The following PCMTD1 variants were observed in gnomAD, a reference collection of about 807,000 sequenced individuals.
The protein encoded by PCMTD1 is protein-L-isoaspartate O-methyltransferase domain-containing protein 1.
PCMTD1 carries 12 observed loss-of-function variants against 37.6 expected under a neutral mutation model. The observed-to-expected ratio is 0.32, with a 90% CI of 0.20 to 0.52. The LOEUF (loss-of-function observed/expected upper bound fraction) is 0.52, where lower values mean the gene tolerates loss of function less well. PCMTD1 is among the 20% of genes least tolerant of loss of function. The pLI, the probability that PCMTD1 is intolerant of heterozygous loss-of-function variation, is 0.97. For missense variants in PCMTD1, 235 were observed against 421.3 expected, an observed-to-expected ratio of 0.56 and a Z score of 3.87; for synonymous variants, 117 against 135.8, an observed-to-expected ratio of 0.86 and a Z score of 0.96.
Position 51,818,790 on chromosome 8 carries a change from T to G in PCMTD1, c.*1561A>C, listed in dbSNP as rs2037801352. The G allele has an allele frequency of 6.6e-6, 1 of 152,328 alleles. No individual in the cohort carries two copies. Among genetic ancestry groups the G allele is most frequent in the Non-Finnish European group, 1.5e-5 (1 of 68,066 alleles). 9.4% of individuals were successfully genotyped at this position (152,328 alleles called of 1,614,324 possible). On this transcript the variant is annotated 3_prime_UTR_variant, in exon 6 of 6. Coordinates refer to ENST00000522514, the MANE Select transcript of PCMTD1 (RefSeq NM_052937.4). ...TTACACATGATCACAAACATTTGTT[T>G]TTAGATGTTGTGGAATTACTGGAGC... is the stretch of plus-strand genomic sequence containing the variant.
chr8:51,882,053 T>TAA (rs1160295999), intron 1 of PCMTD1, among the ~76,000 whole-genome samples: 2 of 71,314 alleles, frequency 2.8e-5, no homozygotes, highest in Non-Finnish European at 1.2e-4. Context: ...TTATAAGCCT[T>TAA]AGTCTTTTCA....
At chr8:51,899,118 A>G, upstream of PCMTD1, 1 of 1,434,198 alleles carries the variant, frequency 7.0e-7, no homozygotes, top group Non-Finnish European at 9.1e-7. Flanking sequence ...GCATGCGCAG[A>G]GAACCACGGG....
At chr8:51,865,534 A>G (rs981552048) in intron 1 of PCMTD1, among the ~76,000 whole-genome samples, 1 of 152,040 alleles carries the variant, frequency 6.6e-6, no homozygotes, top group Non-Finnish European at 1.5e-5. Context: ...CAAATCAATA[A>G]TGTGATGGAT....
At chr8:51,854,389 TAAGA>T (rs2038352966) in intron 2 of PCMTD1, among the ~76,000 whole-genome samples, 1 of 151,408 alleles carries the variant, frequency 6.6e-6, no homozygotes, top group Non-Finnish European at 1.5e-5. Flanking sequence ...AAAAAAAATC[TAAGA>T]AATAGAACAG....
intron 2 of PCMTD1, among the ~76,000 whole-genome samples, chr8:51,853,002 C>T (rs2038330813): frequency 6.6e-6 from 1 of 152,278 alleles, no homozygotes. Context: ...CTTGGAAGAT[C>T]AAGAGTGTCC....
chr8:51,893,968 A>G (rs1189877875), intron 1 of PCMTD1, among the ~76,000 whole-genome samples: 2 of 152,364 alleles, frequency 1.3e-5, no homozygotes, highest in African/African-American at 4.8e-5. Flanking sequence ...TGCTTCAAGC[A>G]TCTTATATAA....
chr8:51,886,688 G>A (rs190948819), intron 1 of PCMTD1, among the ~76,000 whole-genome samples: 1 of 152,276 alleles, frequency 6.6e-6, no homozygotes, highest in Admixed American at 6.5e-5. Flanking sequence ...GTTGGGGAGA[G>A]GCTGTTTAGA....
At chr8:51,888,039 G>A (rs757295635) in intron 1 of PCMTD1, among the ~76,000 whole-genome samples, 9 of 152,038 alleles carry the variant, frequency 5.9e-5, no homozygotes, top group Admixed American at 1.3e-4. Flanking sequence ...CACCGTGCCC[G>A]GCCAAGTTTT....
Position 51,831,134 on chromosome 8 carries a change from C to T in PCMTD1, c.706+310G>A, listed in dbSNP as rs367722999. On this transcript the variant is annotated intron_variant, in intron 5 of 5. Transcript: ENST00000522514. Reference sequence around the variant, plus strand: ...CCAACATGGTGAAACAGCGTCTCTTCTAAAAATACAAAAATTAGCCAGGCG... The same window carrying T: ...CCAACATGGTGAAACAGCGTCTCTTTTAAAAATACAAAAATTAGCCAGGCG... 1.6e-4 allele frequency among the ~76,000 whole-genome samples: 25 copies of T among 152,110 alleles called. 1 individual carries two copies. Among genetic ancestry groups the T allele is most frequent in the Non-Finnish European group, 3.2e-4 (22 of 67,986 alleles).
intron 3 of PCMTD1, among the ~76,000 whole-genome samples, chr8:51,844,277 G>C (rs549813285): frequency 1.3e-5 from 2 of 152,138 alleles, no homozygotes; most frequent in South Asian, 2.1e-4. Flanking sequence ...CTTGAAAAAC[G>C]AATCAAAATG....
At chr8:51,895,437 T>C (rs2038986397) in intron 1 of PCMTD1, among the ~76,000 whole-genome samples, 2 of 152,200 alleles carry the variant, frequency 1.3e-5, no homozygotes, top group South Asian at 4.1e-4. Context: ...TTATGCAAAT[T>C]AGTTTTTAAA....
At chr8:51,862,120 T>C (rs1309267054) in intron 1 of PCMTD1, among the ~76,000 whole-genome samples, 1 of 152,206 alleles carries the variant, frequency 6.6e-6, no homozygotes, top group East Asian at 1.9e-4. Context: ...ATTTTAAATT[T>C]CTGAACTTAA....
intron 4 of PCMTD1, among the ~76,000 whole-genome samples, chr8:51,833,192 G>A (rs1444959285): frequency 6.6e-6 from 1 of 152,124 alleles, no homozygotes; most frequent in Non-Finnish European, 1.5e-5. Context: ...ATGGGAAACT[G>A]AGCAACTAGT....
chr8:51,899,175 A>G, upstream of PCMTD1: 2 of 1,297,046 alleles, frequency 1.5e-6, no homozygotes, highest in East Asian at 6.2e-5. Context: ...AGGCCGGGAG[A>G]CGCCCCCATC....
intron 1 of PCMTD1, among the ~76,000 whole-genome samples, chr8:51,889,607 A>T (rs1563364748): frequency 6.6e-6 from 1 of 152,222 alleles, no homozygotes; most frequent in Non-Finnish European, 1.5e-5. Context: ...TCTGAGTCTT[A>T]GTTCATGCAT....
At chr8:51,879,480 A>T (rs1486678928) in intron 1 of PCMTD1, among the ~76,000 whole-genome samples, 1 of 152,192 alleles carries the variant, frequency 6.6e-6, no homozygotes, top group Non-Finnish European at 1.5e-5. Context: ...TAAGAATCTG[A>T]GGTGGGCTAT....
chr8:51,850,765 T>C (rs1228933360), intron 2 of PCMTD1, among the ~76,000 whole-genome samples: 2 of 152,136 alleles, frequency 1.3e-5, no homozygotes, highest in Non-Finnish European at 2.9e-5. Flanking sequence ...AATATAAATA[T>C]AAAAGGATCT....
intron 1 of PCMTD1, among the ~76,000 whole-genome samples, chr8:51,864,023 T>C (rs1202090706): frequency 1.3e-5 from 2 of 151,812 alleles, no homozygotes; most frequent in African/African-American, 4.8e-5. Context: ...ATATGCCGCC[T>C]ATGAAAAAGA....
chr8:51,822,494 A>T (rs996652127), intron 5 of PCMTD1, among the ~76,000 whole-genome samples: 13 of 152,256 alleles, frequency 8.5e-5, no homozygotes, highest in Admixed American at 4.6e-4. Flanking sequence ...AAGTGTACTT[A>T]CTTTGTGTTA....
Sources: gnomAD v4.1 joint callset for allele counts (sites outside exome capture counted in the v4.1 genomes callset) on GRCh38, gnomAD v4.1.1 for gene constraint, MANE v1.5 for transcripts, NCBI Gene and HGNC (gene_info 2026-07-23, HGNC 2026-07-21) for gene names.